The following PRDM10 variants were observed in gnomAD, a reference collection of about 807,000 sequenced individuals.
PRDM10 encodes PR/SET domain 10, also known as PR domain zinc finger protein 10.
PRDM10 carries 65 observed loss-of-function variants against 133.1 expected under a neutral mutation model. That is an observed-to-expected ratio of 0.49 (90% CI 0.40 to 0.60). The LOEUF (loss-of-function observed/expected upper bound fraction) is 0.60. Among genes scored for constraint, PRDM10 ranks in the 20% least tolerant of loss-of-function variants. The pLI, the probability that PRDM10 is intolerant of heterozygous loss-of-function variation, is 0.00. For synonymous variants in PRDM10, 582 were observed against 580.4 expected (o/e 1.00, Z -0.04); for missense variants, 1,137 against 1,507.1 (o/e 0.75, Z 4.07).
At chr11:129,979,173 G>A (rs902966930) in intron 1 of PRDM10, among the ~76,000 whole-genome samples, 35 of 152,292 alleles carry the variant, frequency 2.3e-4, no homozygotes, top group African/African-American at 8.4e-4. Flanking sequence ...AAATCTGTCA[G>A]GAGTTCTCTG....
intron 11 of PRDM10, among the ~76,000 whole-genome samples, chr11:129,925,857 G>C (rs1300826391): frequency 6.6e-6 from 1 of 152,224 alleles, no homozygotes; most frequent in Non-Finnish European, 1.5e-5. Context: ...GCTGGAATTA[G>C]AGAGTGGTGA....
At chr11:129,972,985 C>T (rs1049416904) in intron 1 of PRDM10, among the ~76,000 whole-genome samples, 4 of 152,150 alleles carry the variant, frequency 2.6e-5, no homozygotes, top group African/African-American at 9.7e-5. Flanking sequence ...CTCCTTGTTA[C>T]AAAAATGTTT....
intron 1 of PRDM10, among the ~76,000 whole-genome samples, chr11:129,985,798 AAAAAAAAAAAAATATAT>A (rs1420539901): frequency 1.9e-4 from 23 of 122,394 alleles, no homozygotes; most frequent in African/African-American, 7.8e-4. Flanking sequence ...AAAAAAAAAA[AAAAAAAAAAAAATATAT>A]ATATATATAT....
chr11:129,925,316 C>G, intron 11 of PRDM10, 87 bp from the exon 12 acceptor site: 2 of 1,256,792 alleles, frequency 1.6e-6, no homozygotes, highest in Non-Finnish European at 2.2e-6. Context: ...AGAGGATGAT[C>G]TCTGCAATCA....
intron 7 of PRDM10, among the ~76,000 whole-genome samples, chr11:129,939,419 G>A (rs1290210676): frequency 1.3e-5 from 2 of 152,252 alleles, no homozygotes; most frequent in East Asian, 3.9e-4. Flanking sequence ...CCCTGTAGTT[G>A]CACTTTTAGA....
At chr11:129,942,907 C>T (rs1309275622) in intron 6 of PRDM10, among the ~76,000 whole-genome samples, 5 of 152,150 alleles carry the variant, frequency 3.3e-5, no homozygotes, top group Non-Finnish European at 7.4e-5. Flanking sequence ...GATAAAAATG[C>T]TATAAATATG....
chr11:129,947,513 T>G lies in PRDM10; in HGVS notation c.295-143A>C. The G allele has an allele frequency of 6.6e-7, 1 of 1,517,716 alleles. No individual in the cohort carries two copies. The highest frequency in any genetic ancestry group is 8.8e-7 in the Non-Finnish European group (1 of 1,135,006). 94.0% of individuals were successfully genotyped at this position (1,517,716 alleles called of 1,614,324 possible). On this transcript the variant is annotated intron_variant, in intron 4 of 20. Coordinates refer to ENST00000360871, the MANE Select transcript of PRDM10 (RefSeq NM_199437.2). The surrounding 1 kb of genome is among the most constrained non-coding windows in gnomAD (Gnocchi z 4.6). Reference sequence around the variant, plus strand: ...TCCTTCCAGGCCCTGGAAAAATGACTTCCATCTACCGGCTGTGAGGAAGAG... The same window carrying G: ...TCCTTCCAGGCCCTGGAAAAATGACGTCCATCTACCGGCTGTGAGGAAGAG...
chr11:129,983,730 G>A (rs1467388119), intron 1 of PRDM10, among the ~76,000 whole-genome samples: 1 of 152,206 alleles, frequency 6.6e-6, no homozygotes, highest in African/African-American at 2.4e-5. Context: ...ACTGAAAGGA[G>A]TGAAACTGAA....
chr11:129,984,757 G>A (rs959519172), intron 1 of PRDM10, among the ~76,000 whole-genome samples: 19 of 152,140 alleles, frequency 1.2e-4, no homozygotes, highest in South Asian at 2.1e-4. Flanking sequence ...CACAGGTCGC[G>A]CTGCTGGGCT....
At chr11:129,911,396 G>A (rs1404075456) in intron 18 of PRDM10, among the ~76,000 whole-genome samples, 1 of 152,208 alleles carries the variant, frequency 6.6e-6, no homozygotes, top group Non-Finnish European at 1.5e-5. Flanking sequence ...TTCAGCACAG[G>A]TGGGTGAAGA....
chr11:129,909,900 C>G (rs189771606), intron 19 of PRDM10, among the ~76,000 whole-genome samples: 3 of 152,290 alleles, frequency 2.0e-5, no homozygotes, highest in Admixed American at 1.3e-4. Flanking sequence ...AGCCAAACTG[C>G]CTGGGTTCCA....
chr11:129,934,889 T>C (rs896800565), intron 9 of PRDM10, among the ~76,000 whole-genome samples: 2 of 152,246 alleles, frequency 1.3e-5, no homozygotes, highest in African/African-American at 4.8e-5. Context: ...GCATCTCCCA[T>C]TGCTGGGTAT....
intron 1 of PRDM10, among the ~76,000 whole-genome samples, chr11:129,964,541 A>G (rs1024148536): frequency 6.6e-6 from 1 of 152,192 alleles, no homozygotes; most frequent in Non-Finnish European, 1.5e-5. Flanking sequence ...ATAGATGCAC[A>G]CTACTGATTC....
rs1336543682 is a variant in PRDM10, at chr11:129,902,064, T to C, written c.*249A>G. ...ACCAGCTCAAGAGCAAGGCAAATTC[T>C]CTCCACCTCGAAATCTACTTTCCCC... is the stretch of plus-strand genomic sequence containing the variant. On this transcript the variant is annotated 3_prime_UTR_variant, in exon 21 of 21. Coordinates refer to ENST00000360871, the MANE Select transcript of PRDM10 (RefSeq NM_199437.2). The C allele has an allele frequency of 4.1e-6, 2 of 484,586 alleles. No homozygotes were observed. Among genetic ancestry groups the C allele is most frequent in the East Asian group, 7.2e-5 (2 of 27,826 alleles). 30.0% of individuals were successfully genotyped at this position (484,586 alleles called of 1,614,324 possible). A position where few individuals can be genotyped will look rare whatever the true frequency, so the allele number is the denominator to read the frequency against.
intron 11 of PRDM10, chr11:129,929,357 G>C: frequency 1.3e-6 from 2 of 1,535,276 alleles, no homozygotes; most frequent in East Asian, 2.4e-5. Context: ...AAGAACAGCA[G>C]GTCAGGCAAA....
intron 13 of PRDM10, among the ~76,000 whole-genome samples, chr11:129,920,884 G>A (rs535444133): frequency 6.4e-4 from 98 of 152,016 alleles, no homozygotes; most frequent in African/African-American, 2.3e-3. Flanking sequence ...CACAACCTCC[G>A]CCTCCCGGGT....
intron 1 of PRDM10, among the ~76,000 whole-genome samples, chr11:129,985,796 A>T (rs1565512012): frequency 8.1e-6 from 1 of 123,266 alleles, no homozygotes; most frequent in African/African-American, 4.0e-5. Context: ...AAAAAAAAAA[A>T]AAAAAAAAAA....
chr11:129,972,456 A>C (rs1320722003), intron 1 of PRDM10, among the ~76,000 whole-genome samples: 1 of 152,254 alleles, frequency 6.6e-6, no homozygotes, highest in African/African-American at 2.4e-5. Context: ...AATTAAACAA[A>C]TTCTATCCTT....
chr11:129,932,529 G>C (rs1950903294), intron 9 of PRDM10, among the ~76,000 whole-genome samples: 1 of 152,204 alleles, frequency 6.6e-6, no homozygotes, highest in Non-Finnish European at 1.5e-5. Flanking sequence ...AGACAGGACA[G>C]AACATGCTAA....
Sources: allele counts gnomAD v4.1 joint callset (sites outside exome capture counted in the v4.1 genomes callset), GRCh38; gene constraint gnomAD v4.1.1; non-coding constraint Gnocchi (gnomAD v3.1); transcripts MANE v1.5; gene names NCBI Gene and HGNC (gene_info 2026-07-23, HGNC 2026-07-21).